Variants in OSBPL3 observed in about 807,000 individuals in gnomAD.
The protein encoded by OSBPL3 is oxysterol-binding protein-related protein 3.
Under a neutral mutation model 120.1 loss-of-function variants are expected in OSBPL3, and 65 were observed. The ratio of observed to expected loss-of-function variants is 0.54; its 90% CI spans 0.44 to 0.67. OSBPL3 has a LOEUF of 0.67. Ranked by LOEUF, OSBPL3 falls within the 30% of genes least tolerant of loss-of-function variation. OSBPL3 has a pLI of 0.00. For synonymous variants in OSBPL3, 416 were observed against 402.6 expected (o/e 1.03, Z -0.40); for missense variants, 1,004 against 1,082.1 (o/e 0.93, Z 1.01).
In OSBPL3 at chr7:24,946,905, T is replaced by C. The variant is rs1449115439; in HGVS notation, c.-150+32981A>G. Among the ~76,000 whole-genome samples, 2 of 152,228 alleles carry C rather than the reference T, an allele frequency of 1.3e-5. No homozygotes were observed. The highest frequency in any genetic ancestry group is 2.9e-5 in the Non-Finnish European group (2 of 68,024). On this transcript the variant is annotated intron_variant, in intron 1 of 22. Transcript: ENST00000313367. This position sits in a 1 kb window ranked among gnomAD's most constrained non-coding sequence, Gnocchi z 4.3. ...TAAGAACTGTCTTAACTCTTTTTCT[T>C]TCCCACAACACTCATCAGGAATCCA...
At chr7:24,812,156 A>T (rs1793887315) in intron 19 of OSBPL3, among the ~76,000 whole-genome samples, 2 of 151,922 alleles carry the variant, frequency 1.3e-5, no homozygotes, top group African/African-American at 4.8e-5. Context: ...AAAATACAAA[A>T]ATTAGCTGGC....
rs1178070723 is a variant in OSBPL3 at position 24,894,697 on chromosome 7, G to C, written c.-149-2076C>G. Among the ~76,000 whole-genome samples, 3 of 152,116 alleles carry C rather than the reference G, an allele frequency of 2.0e-5. No homozygotes were observed. Among genetic ancestry groups the C allele is most frequent in the Non-Finnish European group, 4.4e-5 (3 of 68,024 alleles). ...CTTTAAGGCTGAGGTTCTGTTAAAC[G>C]AGAGTCTACAAGAGTCTGGGATGAG... On this transcript the variant is annotated intron_variant, in intron 1 of 22. Transcript: ENST00000313367. This position sits in a 1 kb window ranked among gnomAD's most constrained non-coding sequence, Gnocchi z 4.1.
chr7:24,920,781 G>A (rs1810292579), intron 1 of OSBPL3, among the ~76,000 whole-genome samples: 1 of 152,002 alleles, frequency 6.6e-6, no homozygotes, highest in Non-Finnish European at 1.5e-5. Flanking sequence ...CCTATATAAA[G>A]CCTATTGAAT....
At position 24,855,738 on chromosome 7, in the gene OSBPL3, A is replaced by AGT. The variant is rs1799763714; in HGVS notation, c.1028-3106_1028-3105dup. Among the ~76,000 whole-genome samples, 1 of 152,218 alleles carries AGT rather than the reference A, an allele frequency of 6.6e-6. No homozygotes were observed. Among genetic ancestry groups the AGT allele is most frequent in the Non-Finnish European group, 1.5e-5 (1 of 68,034 alleles). ...AGTCAGGAACACTCTCTGTGATAGG[A>AGT]GTGCTTTCTTACTTATTTCTAACAT... is the stretch of plus-strand genomic sequence containing the variant. On this transcript the variant is annotated intron_variant, in intron 10 of 22. Transcript: ENST00000313367. The surrounding 1 kb of genome is among the most constrained non-coding windows in gnomAD (Gnocchi z 4.3).
At chr7:24,839,764 A>G (rs1222810653) in intron 14 of OSBPL3, among the ~76,000 whole-genome samples, 1 of 152,066 alleles carries the variant, frequency 6.6e-6, no homozygotes, top group African/African-American at 2.4e-5. Context: ...AGAGGCAGGT[A>G]GATCACTTGA....
chr7:24,840,806 T>C (rs1345505434), intron 13 of OSBPL3, 23 bp from the exon 14 acceptor site: 1 of 1,062,646 alleles, frequency 9.4e-7, no homozygotes, highest in Non-Finnish European at 1.4e-6. Context: ...AGAAATAACA[T>C]TCATTAGAGT....
intron 22 of OSBPL3, among the ~76,000 whole-genome samples, chr7:24,801,243 CAAAAAAAAAAAAAA>C (rs397976980): frequency 4.1e-5 from 3 of 73,994 alleles, no homozygotes; most frequent in African/African-American, 9.7e-5. Flanking sequence ...GACTCCTTCT[CAAAAAAAAAAAAAA>C]AAAAAAAAGT....
intron 22 of OSBPL3, 23 bp from the exon 23 acceptor site, chr7:24,800,302 T>G: frequency 1.4e-6 from 2 of 1,384,108 alleles, no homozygotes; most frequent in Non-Finnish European, 2.1e-6. Context: ...AAACAATTTC[T>G]TGCAGACTCT....
chr7:24,887,347 A>T (rs1804675077), intron 2 of OSBPL3, among the ~76,000 whole-genome samples: 1 of 152,196 alleles, frequency 6.6e-6, no homozygotes, highest in Non-Finnish European at 1.5e-5. Flanking sequence ...CTGAAAAGTG[A>T]TCTACTTCAA....
intron 1 of OSBPL3, among the ~76,000 whole-genome samples, chr7:24,960,570 C>A (rs1225524031): frequency 6.6e-6 from 1 of 152,030 alleles, no homozygotes; most frequent in East Asian, 1.9e-4. Context: ...CACTCCGAGA[C>A]AGATGAACAG....
At chr7:24,975,983 T>TG (rs1434603676) in intron 1 of OSBPL3, among the ~76,000 whole-genome samples, 1 of 151,872 alleles carries the variant, frequency 6.6e-6, no homozygotes. Context: ...CTCACAGGGG[T>TG]GGGGAATGAT....
chr7:24,814,998 TGG>T, intron 19 of OSBPL3, 59 bp downstream of exon 19: 1 of 1,542,322 alleles, frequency 6.5e-7, no homozygotes, highest in Non-Finnish European at 8.9e-7. Context: ...CCCTGTGCTC[TGG>T]GGCCCTGGCT....
Position 24,815,821 on chromosome 7 carries a change from G to C in OSBPL3, c.2028-618C>G, listed in dbSNP as rs1794400649. ...TCTTTTTCTAGATGGGGAAACTGGTGATGAGAAAGGTGAAGTAACTTGCCC... is the reference window on the plus strand; with the variant it reads ...TCTTTTTCTAGATGGGGAAACTGGTCATGAGAAAGGTGAAGTAACTTGCCC... On this transcript the variant is annotated intron_variant, in intron 18 of 22. Coordinates refer to ENST00000313367, the MANE Select transcript of OSBPL3 (RefSeq NM_015550.4). This position sits in a 1 kb window ranked among gnomAD's most constrained non-coding sequence, Gnocchi z 5.1. 6.6e-6 allele frequency among the ~76,000 whole-genome samples: 1 copy of C among 152,164 alleles called. No homozygotes were observed. The highest frequency in any genetic ancestry group is 1.5e-5 in the Non-Finnish European group (1 of 68,016).
chr7:24,845,294 T>C (rs1232843726), intron 12 of OSBPL3, among the ~76,000 whole-genome samples: 1 of 150,684 alleles, frequency 6.6e-6, no homozygotes, highest in Non-Finnish European at 1.5e-5. Context: ...AGAGATGTTA[T>C]TCTAGGGAGA....
chr7:24,980,826 G>C (rs1221520018), upstream of OSBPL3, among the ~76,000 whole-genome samples: 2 of 152,092 alleles, frequency 1.3e-5, no homozygotes. Context: ...ATGTGCAAGG[G>C]GGTAGGAGGT....
rs989523151 is a variant in OSBPL3, at chr7:24,930,277, T to A, written c.-149-37656A>T. Among the ~76,000 whole-genome samples the A allele has an allele frequency of 6.6e-6, 1 of 151,914 alleles. No individual in the cohort carries two copies. Among genetic ancestry groups the A allele is most frequent in the Non-Finnish European group, 1.5e-5 (1 of 67,894 alleles). On this transcript the variant is annotated intron_variant, in intron 1 of 22. Coordinates refer to ENST00000313367, the MANE Select transcript of OSBPL3 (RefSeq NM_015550.4). The surrounding 1 kb of genome is among the most constrained non-coding windows in gnomAD (Gnocchi z 4.4). Reference sequence around the variant, plus strand: ...GAAATATGCACTAAAATAAAAAAAATGTGCAAATAAAACATCTGGTGTTTG... The same window carrying A: ...GAAATATGCACTAAAATAAAAAAAAAGTGCAAATAAAACATCTGGTGTTTG...
chr7:24,968,945 A>G lies in OSBPL3; in HGVS notation c.-150+10941T>C, dbSNP rs867001638. Among the ~76,000 whole-genome samples the G allele has an allele frequency of 1.8e-4, 28 of 152,174 alleles. No individual in the cohort carries two copies. The highest frequency in any genetic ancestry group is 6.5e-4 in the African/African-American group (27 of 41,428). The stretch of plus-strand genomic sequence containing the variant: ...GTTACTTGCAATCTGGTATTTATTC[A>G]AATACTCCAAGAAACAATTTTGCAT... On this transcript the variant is annotated intron_variant, in intron 1 of 22. Transcript: ENST00000313367. The surrounding 1 kb of genome is among the most constrained non-coding windows in gnomAD (Gnocchi z 4.6).
At chr7:24,897,495 T>C (rs1252123403) in intron 1 of OSBPL3, among the ~76,000 whole-genome samples, 2 of 151,342 alleles carry the variant, frequency 1.3e-5, no homozygotes, top group African/African-American at 2.4e-5. Flanking sequence ...CCGGCTAATT[T>C]TTTGTATTTT....
chr7:24,933,671 A>G lies in OSBPL3; in HGVS notation c.-149-41050T>C, dbSNP rs2128470235. Among the ~76,000 whole-genome samples, 1 of 152,348 alleles carries G rather than the reference A, an allele frequency of 6.6e-6. No homozygotes were observed. Among genetic ancestry groups the G allele is most frequent in the Middle Eastern group, 3.4e-3 (1 of 294 alleles). ...TGTAAAAAAGAAATGTTGCATTTCT[A>G]TCATTTATTTATCTTAAACTCCAGT... On this transcript the variant is annotated intron_variant, in intron 1 of 22. Coordinates refer to ENST00000313367, the MANE Select transcript of OSBPL3 (RefSeq NM_015550.4). This position sits in a 1 kb window ranked among gnomAD's most constrained non-coding sequence, Gnocchi z 5.1.
Sources: gnomAD v4.1 joint callset for allele counts (sites outside exome capture counted in the v4.1 genomes callset) on GRCh38, gnomAD v4.1.1 for gene constraint, Gnocchi (gnomAD v3.1) non-coding constraint, MANE v1.5 for transcripts, NCBI Gene and HGNC (gene_info 2026-07-23, HGNC 2026-07-21) for gene names.